Variants in HTRA2 observed in about 807,000 individuals in gnomAD.
HTRA2 encodes the protein serine protease HTRA2, mitochondrial.
HTRA2 carries 24 observed loss-of-function variants against 42.2 expected under a neutral mutation model. That is an observed-to-expected ratio of 0.57 (90% confidence interval 0.41 to 0.80). The LOEUF (loss-of-function observed/expected upper bound fraction) is 0.80, where lower values mean the gene tolerates loss of function less well. HTRA2 is among the 30% of genes least tolerant of loss of function. The probability of loss-of-function intolerance (pLI) is 0.00; values close to 1 mark genes in which losing one functional copy is unlikely to be tolerated. For missense variants in HTRA2, 466 were observed against 613.5 expected (o/e 0.76, Z 2.54); for synonymous variants, 245 against 255.8 (o/e 0.96, Z 0.40).
At chr2:74,532,246 C>T (rs952296741) in intron 6 of HTRA2, among the ~76,000 whole-genome samples, 17 of 152,220 alleles carry the variant, frequency 1.1e-4, no homozygotes, top group Admixed American at 1.1e-3. Context: ...TATGAATACT[C>T]AGCCAACCTG....
intron 6 of HTRA2, 143 bp from the exon 7 acceptor site, chr2:74,532,476 A>C (rs999674620): frequency 1.5e-5 from 11 of 710,510 alleles, no homozygotes; most frequent in Non-Finnish European, 2.8e-5. Context: ...AGAAGACAGA[A>C]AGTGAGTTGC....
Position 74,530,256 on chromosome 2 carries a change from A to C in HTRA2, c.250A>C (p.Thr84Pro). 6 of 1,608,952 alleles carry C rather than the reference A, an allele frequency of 3.7e-6. No individual in the cohort carries two copies. Among genetic ancestry groups the C allele is most frequent in the Non-Finnish European group, 5.1e-6 (6 of 1,177,626 alleles). ...GACCCCGGGTCCCCGGGCACAACTG[A>C]CTGCGGTGACCCCAGATACCAGGAC... ...SGTPGPRAQLTAVTPDTRTRE... is the reference protein window; with the variant it reads ...SGTPGPRAQLPAVTPDTRTRE... The change falls in exon 1 of 8, where the codon ACT (threonine) becomes CCT (proline). Residue 84 changes from threonine to proline, a missense_variant. By Grantham distance (38) the Thr-to-Pro change is conservative. Around this residue, in one of 3 missense-constraint regions of HTRA2, gnomAD observed 222 missense variants for 205.1 expected, o/e 1.08. Transcript: ENST00000258080. This position sits in a 1 kb window ranked among gnomAD's most constrained non-coding sequence, Gnocchi z 7.4.
chr2:74,532,711 A>C lies in HTRA2; in HGVS notation c.1208A>C (p.His403Pro). ...AAAGTCATCCTGGGCTCCCCTGCAC[A>C]CCGGTGAGGGAGAGGCTGCAGTGTG... ...IHKVILGSPAHRAGLRPGDVI... is the reference protein window; with the variant it reads ...IHKVILGSPAPRAGLRPGDVI... Residue 403 changes from histidine (H) to proline (P), a missense_variant, in exon 7 of 8, where the codon CAC becomes CCC. Transcript: ENST00000258080. 6.2e-7 allele frequency: 1 copy of C among 1,613,022 alleles called. No individual in the cohort carries two copies.
chr2:74,531,822 A>T, intron 5 of HTRA2, 34 bp from the exon 6 acceptor site: 1 of 1,613,214 alleles, frequency 6.2e-7, no homozygotes, highest in Non-Finnish European at 8.5e-7. Context: ...GGAAGGATGT[A>T]GCTGGGTGGG....
In HTRA2 at chr2:74,530,192, T is replaced by C. The variant is rs1313263590; in HGVS notation, c.186T>C (p.Ser62=). 1 of 1,611,318 alleles carries C rather than the reference T, an allele frequency of 6.2e-7. No homozygotes were observed. The highest frequency in any genetic ancestry group is 1.3e-5 in the African/African-American group (1 of 74,890). Residue 62 remains serine (S), a synonymous_variant, in exon 1 of 8, where the codon TCT becomes TCC. Transcript: ENST00000258080. The surrounding 1 kb of genome is among the most constrained non-coding windows in gnomAD (Gnocchi z 7.4). The part of the protein sequence containing the change: ...YGTPSLWARL[S]VGVTEPRACL... ...CCCCCAGTCTCTGGGCCCGGTTGTC[T>C]GTTGGGGTCACTGAACCCCGAGCAT...
chr2:74,530,405 C>T lies in HTRA2; in HGVS notation c.399C>T (p.Ala133=). The change falls in exon 1 of 8, where the codon GCC becomes GCT. Residue 133 remains alanine, a synonymous_variant. Transcript: ENST00000258080. The surrounding 1 kb of genome is among the most constrained non-coding windows in gnomAD (Gnocchi z 7.4). ...GGGRGPPAVL[A]AVPSPPPASP... Reference sequence around the variant, plus strand: ...GTCGGGGTCCTCCGGCCGTCCTCGCCGCCGTCCCTAGCCCGCCGCCCGCTT... The same window carrying T: ...GTCGGGGTCCTCCGGCCGTCCTCGCTGCCGTCCCTAGCCCGCCGCCCGCTT... The T allele has an allele frequency of 6.3e-7, 1 of 1,597,484 alleles. No homozygotes were observed. Among genetic ancestry groups the T allele is most frequent in the East Asian group, 2.3e-5 (1 of 44,302 alleles).
chr2:74,532,969 C>G lies in HTRA2; in HGVS notation c.1361C>G (p.Pro454Arg). 6.2e-7 allele frequency: 1 copy of G among 1,613,838 alleles called. No homozygotes were observed. The highest frequency in any genetic ancestry group is 8.5e-7 in the Non-Finnish European group (1 of 1,179,936). Residue 454 changes from proline to arginine, a missense_variant, in exon 8 of 8, where the codon CCT becomes CGT. Around this residue, in one of 3 missense-constraint regions of HTRA2, gnomAD observed 129 missense variants for 163.1 expected, o/e 0.79. Coordinates refer to ENST00000258080, the MANE Select transcript of HTRA2 (RefSeq NM_013247.5). The part of the protein sequence containing the change: ...GRETLTLYVT[P>R]EVTE ...GAAACACTGACCTTATATGTGACCC[C>G]TGAGGTCACAGAATGAATAGATCAC... is the stretch of plus-strand genomic sequence containing the variant.
rs1675561000 is a variant in HTRA2 at position 74,531,123 on chromosome 2, A to G, written c.906+18A>G. On this transcript the variant is annotated intron_variant, in intron 3 of 7. Coordinates refer to ENST00000258080, the MANE Select transcript of HTRA2 (RefSeq NM_013247.5). ...CTATTGATGTGCGTCCTGATAGGAG[A>G]GAAATGACAAATGATGGGGGAGGGG... The G allele has an allele frequency of 1.2e-6, 2 of 1,613,374 alleles. No individual in the cohort carries two copies. The highest frequency in any genetic ancestry group is 1.7e-6 in the Non-Finnish European group (2 of 1,179,412).
At position 74,531,228 on chromosome 2, in the gene HTRA2, A is replaced by T. The variant is rs1675572807; in HGVS notation, c.907-111A>T. On this transcript the variant is annotated intron_variant, in intron 3 of 7. Transcript: ENST00000258080. Reference sequence around the variant, plus strand: ...GAGCTTAGGCTGCAAAAATGTGGCCACTTATTCATGGGCTGAGAAAGAAGA... The same window carrying T: ...GAGCTTAGGCTGCAAAAATGTGGCCTCTTATTCATGGGCTGAGAAAGAAGA... 3.3e-5 allele frequency: 51 copies of T among 1,548,026 alleles called. No individual in the cohort carries two copies. In the South Asian group the frequency reaches 5.7e-4, roughly 17 times the overall value.
Position 74,530,728 on chromosome 2 carries a change from C to A in HTRA2, c.618C>A (p.Val206=), listed in dbSNP as rs186272815. The change falls in exon 2 of 8, where the codon GTC becomes GTA. Residue 206 remains valine (V), a synonymous_variant. Coordinates refer to ENST00000258080, the MANE Select transcript of HTRA2 (RefSeq NM_013247.5). The surrounding 1 kb of genome is among the most constrained non-coding windows in gnomAD (Gnocchi z 7.4). The stretch of plus-strand genomic sequence containing the variant: ...ATGTGGTGGCTGATCGGCGCAGAGT[C>A]CGTGTGAGACTGCTAAGCGGCGACA... ...NAHVVADRRR[V]RVRLLSGDTY... is the part of the protein sequence containing the mutation. The A allele has an allele frequency of 4.3e-6, 7 of 1,614,202 alleles. No homozygotes were observed. The highest frequency in any genetic ancestry group is 5.9e-6 in the Non-Finnish European group (7 of 1,180,034).
At chr2:74,533,346 T>G (rs1226419331), downstream of HTRA2, 1 of 538,128 alleles carries the variant, frequency 1.9e-6, no homozygotes, top group Non-Finnish European at 3.3e-6. Flanking sequence ...AGTCAGGTGC[T>G]GCTCTTTGTG....
rs371835841 is a variant in HTRA2 at position 74,530,871 on chromosome 2, A to T, written c.712-40A>T. 6 of 1,614,040 alleles carry T rather than the reference A, an allele frequency of 3.7e-6. No individual in the cohort carries two copies. In the African/African-American group the frequency reaches 8.0e-5, roughly 22 times the overall value. On this transcript the variant is annotated intron_variant, in intron 2 of 7. Transcript: ENST00000258080. This position sits in a 1 kb window ranked among gnomAD's most constrained non-coding sequence, Gnocchi z 7.4. ...TGGTTGGAGCTGCTTATTTGCTCGC[A>T]TCTTCAGATGACAGGTCTCTTTTAC...
intron 7 of HTRA2, 35 bp downstream of exon 7, chr2:74,532,749 G>T: frequency 6.2e-7 from 1 of 1,611,762 alleles, no homozygotes; most frequent in Non-Finnish European, 8.5e-7. Flanking sequence ...ATGGGGATGG[G>T]CAAGGTGTGC....
In HTRA2 at chr2:74,530,071, G is replaced by A. The variant is rs774827622; in HGVS notation, c.65G>A (p.Gly22Asp). ...CTTCGGGCATGGCGGGCTTTGGGGG[G>A]CATTCGCTGGGGGAGGAGACCCCGT... is the stretch of plus-strand genomic sequence containing the variant. ...WSLRAWRALG[G>D]IRWGRRPRLT... Residue 22 changes from glycine to aspartate, a missense_variant, in exon 1 of 8, where the codon GGC (glycine) becomes GAC (aspartate). Transcript: ENST00000258080. The surrounding 1 kb of genome is among the most constrained non-coding windows in gnomAD (Gnocchi z 7.4). 3 of 1,591,206 alleles carry A rather than the reference G, an allele frequency of 1.9e-6. No homozygotes were observed. Among genetic ancestry groups the A allele is most frequent in the Non-Finnish European group, 2.6e-6 (3 of 1,163,196 alleles).
chr2:74,529,760 C>T (rs1275003560), upstream of HTRA2: 3 of 1,490,242 alleles, frequency 2.0e-6, no homozygotes, highest in South Asian at 1.3e-5. Flanking sequence ...TGAGGCGCGC[C>T]GGAAGGGCTA....
upstream of HTRA2, chr2:74,529,503 G>T (rs769713877): frequency 1.3e-6 from 2 of 1,550,266 alleles, no homozygotes; most frequent in East Asian, 2.4e-5. Flanking sequence ...CGGAAGCCTG[G>T]GGGCGAGAGG....
chr2:74,531,061 C>A lies in HTRA2; in HGVS notation c.862C>A (p.Pro288Thr). The change falls in exon 3 of 8, where the codon CCC becomes ACC. Residue 288 changes from proline to threonine, a missense_variant. Pro to Thr is a conservative substitution (Grantham distance 38). Coordinates refer to ENST00000258080, the MANE Select transcript of HTRA2 (RefSeq NM_013247.5). ...GCGTCCAGCCAGAGACCTGGGACTCCCCCAAACCAATGTGGAATACATTCA... is the reference window on the plus strand; with the variant it reads ...GCGTCCAGCCAGAGACCTGGGACTCACCCAAACCAATGTGGAATACATTCA... ...AQRPARDLGL[P>T]QTNVEYIQTD... 1 of 1,614,130 alleles carries A rather than the reference C, an allele frequency of 6.2e-7. No individual in the cohort carries two copies. The highest frequency in any genetic ancestry group is 8.5e-7 in the Non-Finnish European group (1 of 1,180,016).
Position 74,530,447 on chromosome 2 carries a change from C to G in HTRA2, c.441C>G (p.Tyr147Ter). ...SPPPASPRSQ[Y>*]NFIADVVEKT... Reference sequence around the variant, plus strand: ...CGCCCGCTTCTCCCCGGAGTCAGTACAACTTCATCGCAGATGTGGTGGAGA... The same window carrying G: ...CGCCCGCTTCTCCCCGGAGTCAGTAGAACTTCATCGCAGATGTGGTGGAGA... Residue 147 changes from tyrosine to a stop codon, truncating the protein, a stop_gained, in exon 1 of 8, where the codon TAC (tyrosine) becomes TAG (stop). Transcript: ENST00000258080. LOFTEE classifies it high-confidence loss of function. This position sits in a 1 kb window ranked among gnomAD's most constrained non-coding sequence, Gnocchi z 7.4. 6.2e-7 allele frequency: 1 copy of G among 1,606,194 alleles called. No homozygotes were observed.
At position 74,530,113 on chromosome 2, in the gene HTRA2, G is replaced by A. The variant is rs1192178327; in HGVS notation, c.107G>A (p.Arg36Gln). The change falls in exon 1 of 8, where the codon CGG becomes CAG. Residue 36 changes from arginine (R) to glutamine (Q), a missense_variant. Arg to Gln is a conservative substitution (Grantham distance 43). Coordinates refer to ENST00000258080, the MANE Select transcript of HTRA2 (RefSeq NM_013247.5). The surrounding 1 kb of genome is among the most constrained non-coding windows in gnomAD (Gnocchi z 7.4). ...AGACCCCGTTTGACCCCTGACCTCC[G>A]GGCCCTGCTGACGTCAGGAACTTCT... is the stretch of plus-strand genomic sequence containing the variant. ...GRRPRLTPDL[R>Q]ALLTSGTSDP... 1 of 1,609,386 alleles carries A rather than the reference G, an allele frequency of 6.2e-7. No individual in the cohort carries two copies. The highest frequency in any genetic ancestry group is 8.5e-7 in the Non-Finnish European group (1 of 1,177,086).
Sources: gnomAD v4.1 joint callset for allele counts (sites outside exome capture counted in the v4.1 genomes callset) on GRCh38, gnomAD v4.1.1 for gene constraint, gnomAD v4.1.1 regional missense constraint, Gnocchi (gnomAD v3.1) non-coding constraint, MANE v1.5 for transcripts, NCBI Gene and HGNC (gene_info 2026-07-23, HGNC 2026-07-21) for gene names.